Variants in PTPRJ observed in about 807,000 individuals in gnomAD.
The protein encoded by PTPRJ is protein tyrosine phosphatase receptor type J, also known as receptor-type tyrosine-protein phosphatase eta.
Under a neutral mutation model 141.3 loss-of-function variants are expected in PTPRJ, and 129 were observed. The ratio of observed to expected loss-of-function variants is 0.91; its 90% CI spans 0.79 to 1.06. The LOEUF is 1.06. Ranked by LOEUF, PTPRJ falls within the 50% of genes least tolerant of loss-of-function variation. The probability of loss-of-function intolerance (pLI) is 0.00; values close to 1 mark genes in which losing one functional copy is unlikely to be tolerated. For missense variants in PTPRJ, 1,601 were observed against 1,679.7 expected, an observed-to-expected ratio of 0.95 and a Z score of 0.82; for synonymous variants, 610 against 640.5, an observed-to-expected ratio of 0.95 and a Z score of 0.72.
chr11:48,096,236 G>A (rs531458430), intron 1 of PTPRJ, among the ~76,000 whole-genome samples: 1 of 152,202 alleles, frequency 6.6e-6, no homozygotes, highest in Non-Finnish European at 1.5e-5. Flanking sequence ...GACAGATGAT[G>A]CTGGTCAGCA....
chr11:48,142,685 C>T (rs973617549), intron 11 of PTPRJ, among the ~76,000 whole-genome samples: 5 of 152,170 alleles, frequency 3.3e-5, no homozygotes, highest in African/African-American at 1.2e-4. Context: ...GGGGATTTGG[C>T]TGGATGCCCT....
Position 47,980,560 on chromosome 11 carries a change from G to A in PTPRJ, c.-353G>A, listed in dbSNP as rs1228340405. ...GCGCTCGCCGCGGCTCCCTGCAGCA[G>A]CCCCAGCCGCATGACGCGCGGAGGA... On this transcript the variant is annotated 5_prime_UTR_variant, in exon 1 of 25. Coordinates refer to ENST00000418331, the MANE Select transcript of PTPRJ (RefSeq NM_002843.4). The A allele has an allele frequency of 1.0e-6, 1 of 982,250 alleles. No homozygotes were observed. Among genetic ancestry groups the A allele is most frequent in the Admixed American group, 6.2e-5 (1 of 16,068 alleles). 60.8% of individuals were successfully genotyped at this position (982,250 alleles called of 1,614,324 possible). A position where few individuals can be genotyped will look rare whatever the true frequency, so the allele number is the denominator to read the frequency against.
chr11:48,074,182 G>A (rs1391563588), intron 1 of PTPRJ, among the ~76,000 whole-genome samples: 1 of 151,918 alleles, frequency 6.6e-6, no homozygotes, highest in Non-Finnish European at 1.5e-5. Context: ...GTTTCACCAC[G>A]TTGCTCAGGC....
At chr11:48,107,955 A>C (rs1856338591) in intron 1 of PTPRJ, among the ~76,000 whole-genome samples, 1 of 152,180 alleles carries the variant, frequency 6.6e-6, no homozygotes, top group East Asian at 1.9e-4. Context: ...ATGGTGGTGC[A>C]TGCCTGTAGT....
At chr11:48,108,564 C>A (rs1328733535) in intron 1 of PTPRJ, among the ~76,000 whole-genome samples, 1 of 152,154 alleles carries the variant, frequency 6.6e-6, no homozygotes, top group Non-Finnish European at 1.5e-5. Flanking sequence ...CCTCAGAATG[C>A]GTTTGCAAGT....
chr11:48,112,889 T>C lies in PTPRJ; in HGVS notation c.258T>C (p.Asp86=). The change falls in exon 3 of 25, where the codon GAT becomes GAC. Residue 86 remains aspartate (D), a synonymous_variant. Transcript: ENST00000418331. The part of the protein sequence containing the change: ...TPQVETNTSE[D]GESSGANDSL... ...AGGTGGAAACAAACACCAGTGAGGA[T>C]GGTGAAAGCTCTGGAGCCAACGATA... is the stretch of plus-strand genomic sequence containing the variant. 6.2e-7 allele frequency: 1 copy of C among 1,614,138 alleles called. No individual in the cohort carries two copies. Among genetic ancestry groups the C allele is most frequent in the African/African-American group, 1.3e-5 (1 of 75,032 alleles).
At chr11:48,101,199 G>A (rs887317018) in intron 1 of PTPRJ, among the ~76,000 whole-genome samples, 1 of 152,184 alleles carries the variant, frequency 6.6e-6, no homozygotes, top group African/African-American at 2.4e-5. Flanking sequence ...TAACTGACAG[G>A]TGAAAAAATG....
At chr11:48,123,591 G>A (rs1034309597) in intron 4 of PTPRJ, 22 bp from the exon 5 acceptor site, 2 of 1,606,872 alleles carry the variant, frequency 1.2e-6, no homozygotes, top group Non-Finnish European at 1.7e-6. Flanking sequence ...TTCCATTAAT[G>A]CATGTTGTAT....
chr11:48,056,104 C>T (rs1300370866), intron 1 of PTPRJ, among the ~76,000 whole-genome samples: 6 of 152,152 alleles, frequency 3.9e-5, no homozygotes, highest in Non-Finnish European at 5.9e-5. Context: ...AAAGTTAACA[C>T]GCATTGTGGA....
intron 18 of PTPRJ, among the ~76,000 whole-genome samples, chr11:48,152,557 C>T (rs2134377784): frequency 6.6e-6 from 1 of 152,292 alleles, no homozygotes; most frequent in South Asian, 2.1e-4. Flanking sequence ...CCTAGGTTTT[C>T]TTCTAGGGTT....
intron 21 of PTPRJ, 101 bp downstream of exon 21, chr11:48,156,220 C>G (rs1857595849): frequency 1.7e-5 from 17 of 981,524 alleles, no homozygotes; most frequent in Non-Finnish European, 2.5e-5. Flanking sequence ...TAAAAAAACT[C>G]AAACATTAGC....
At chr11:48,002,492 A>C (rs145865054) in intron 1 of PTPRJ, among the ~76,000 whole-genome samples, 1 of 151,546 alleles carries the variant, frequency 6.6e-6, no homozygotes, top group East Asian at 1.9e-4. Context: ...CATTTGAAAC[A>C]TTTTCTGCTT....
intron 3 of PTPRJ, 66 bp downstream of exon 3, chr11:48,113,049 GT>G: frequency 7.4e-7 from 1 of 1,357,424 alleles, no homozygotes; most frequent in Non-Finnish European, 1.0e-6. Context: ...TAAATGTCAT[GT>G]TTTCCAAATA....
In PTPRJ at chr11:48,101,961, G is replaced by A. The variant is rs558438281; in HGVS notation, c.97-8097G>A. 2.6e-5 allele frequency among the ~76,000 whole-genome samples: 4 copies of A among 152,194 alleles called. No individual in the cohort carries two copies. The South Asian group carries it at 6.2e-4, about 24-fold the overall frequency. On this transcript the variant is annotated intron_variant, in intron 1 of 24. Transcript: ENST00000418331. ...ATGGTACATTTTATATTCATATTGT[G>A]CACATTATTCACACCTGACATGGGC...
intron 1 of PTPRJ, among the ~76,000 whole-genome samples, chr11:48,096,501 C>G (rs1014976103): frequency 6.6e-6 from 1 of 152,196 alleles, no homozygotes; most frequent in East Asian, 1.9e-4. Flanking sequence ...CCAAAACTAT[C>G]CTGGTTTTAG....
At chr11:48,079,519 A>G (rs1237850184) in intron 1 of PTPRJ, among the ~76,000 whole-genome samples, 1 of 152,098 alleles carries the variant, frequency 6.6e-6, no homozygotes, top group Non-Finnish European at 1.5e-5. Context: ...ATGGAGGGAC[A>G]GCTTGCTGCC....
At chr11:48,067,896 C>T (rs552618384) in intron 1 of PTPRJ, among the ~76,000 whole-genome samples, 2 of 152,240 alleles carry the variant, frequency 1.3e-5, no homozygotes, top group South Asian at 2.1e-4. Flanking sequence ...CCCTTGGGGA[C>T]GGGCTTAGTT....
intron 1 of PTPRJ, among the ~76,000 whole-genome samples, chr11:48,088,046 A>G (rs11039514): frequency 0.66 from 100,630 of 152,034 alleles, 36,863 homozygotes; most frequent in East Asian, 0.84. Context: ...TCAAAGATCT[A>G]GGAAGAGCTT....
intron 1 of PTPRJ, among the ~76,000 whole-genome samples, chr11:48,049,526 A>G (rs990682738): frequency 2.0e-4 from 29 of 143,262 alleles, no homozygotes; most frequent in African/African-American, 7.6e-4. Flanking sequence ...AAAACAAAAC[A>G]AAACAAAACA....
Sources: allele counts gnomAD v4.1 joint callset (sites outside exome capture counted in the v4.1 genomes callset), GRCh38; gene constraint gnomAD v4.1.1; transcripts MANE v1.5; gene names NCBI Gene and HGNC (gene_info 2026-07-23, HGNC 2026-07-21).